SLC1A2: variants seen among roughly 807,000 people sequenced by gnomAD.
The protein encoded by SLC1A2 is solute carrier family 1 member 2, also known as excitatory amino acid transporter 2.
SLC1A2 carries 15 observed loss-of-function variants against 48.8 expected under a neutral mutation model. That is an observed-to-expected ratio of 0.31 (90% confidence interval 0.21 to 0.47). SLC1A2 has a LOEUF of 0.47. Ranked by LOEUF, SLC1A2 falls within the 20% of genes least tolerant of loss-of-function variation. The pLI is 0.99. For synonymous variants in SLC1A2, 279 were observed against 272.6 expected (o/e 1.02, Z -0.23); for missense variants, 502 against 730.5 (o/e 0.69, Z 3.61).
chr11:35,265,013 A>G (rs760030232), intron 10 of SLC1A2: 1 of 152,370 alleles, frequency 6.6e-6, no homozygotes, highest in African/African-American at 2.4e-5. Context: ...CGGTGGCGCA[A>G]TCTCGGCTCA....
At chr11:35,313,754 T>C (rs1283640092) in intron 3 of SLC1A2, among the ~76,000 whole-genome samples, 1 of 152,172 alleles carries the variant, frequency 6.6e-6, no homozygotes, top group African/African-American at 2.4e-5. Flanking sequence ...AAATGCACCC[T>C]TTCACTCAAT....
At chr11:35,266,811 G>C (rs558922533) in intron 9 of SLC1A2, among the ~76,000 whole-genome samples, 1 of 152,344 alleles carries the variant, frequency 6.6e-6, no homozygotes, top group African/African-American at 2.4e-5. Flanking sequence ...TCCAGGCAAA[G>C]CGGAAACTTT....
intron 6 of SLC1A2, chr11:35,299,825 T>A (rs1367376423): frequency 6.6e-6 from 1 of 152,074 alleles, no homozygotes; most frequent in Non-Finnish European, 1.5e-5. Flanking sequence ...TGGAAAAGGA[T>A]CAGAAGAAGT....
intron 1 of SLC1A2, among the ~76,000 whole-genome samples, chr11:35,349,264 A>T (rs1365956621): frequency 1.3e-5 from 2 of 152,178 alleles, no homozygotes; most frequent in Non-Finnish European, 2.9e-5. Flanking sequence ...CGAAAGGGAG[A>T]ATCACAAAAG....
At position 35,276,423 on chromosome 11, in the gene SLC1A2, A is replaced by G. The variant is rs192487986; in HGVS notation, c.1421+4444T>C. Among the ~76,000 whole-genome samples the G allele has an allele frequency of 3.9e-5, 6 of 151,946 alleles. No individual in the cohort carries two copies. The East Asian group carries it at 1.2e-3, about 29-fold the overall frequency. On this transcript the variant is annotated intron_variant, in intron 9 of 10. Coordinates refer to ENST00000278379, the MANE Select transcript of SLC1A2 (RefSeq NM_004171.4). The stretch of plus-strand genomic sequence containing the variant: ...TTTTCTATTATATGATTTCATCAAC[A>G]TAGTTAATCCAAATGTATCATCCTT...
chr11:35,294,782 T>C (rs1320580911), intron 6 of SLC1A2, among the ~76,000 whole-genome samples: 1 of 152,108 alleles, frequency 6.6e-6, no homozygotes, highest in Non-Finnish European at 1.5e-5. Flanking sequence ...ACAGATGGAC[T>C]AGAGAGAGGT....
At chr11:35,278,150 G>A (rs927124506) in intron 9 of SLC1A2, among the ~76,000 whole-genome samples, 2 of 151,994 alleles carry the variant, frequency 1.3e-5, no homozygotes, top group Admixed American at 6.5e-5. Context: ...TCCGCTAAAG[G>A]TATTTCCTGA....
chr11:35,394,322 C>T (rs1200799266), intron 1 of SLC1A2, among the ~76,000 whole-genome samples: 2 of 152,154 alleles, frequency 1.3e-5, no homozygotes, highest in African/African-American at 4.8e-5. Flanking sequence ...TGCTCAGTCA[C>T]CACCGGGATC....
chr11:35,358,048 G>A (rs1234716929), intron 1 of SLC1A2, among the ~76,000 whole-genome samples: 4 of 152,036 alleles, frequency 2.6e-5, no homozygotes, highest in Non-Finnish European at 4.4e-5. Context: ...GGGAGGCTAA[G>A]GCAGTAGAAT....
chr11:35,317,614 A>C (rs1851926817), intron 1 of SLC1A2, 98 bp from the exon 2 acceptor site: 1 of 1,349,980 alleles, frequency 7.4e-7, no homozygotes, highest in Non-Finnish European at 1.0e-6. Context: ...CACAGTTGGA[A>C]TCTGGAACCA....
At chr11:35,298,371 A>T (rs1351516171) in intron 6 of SLC1A2, 1 of 152,180 alleles carries the variant, frequency 6.6e-6, no homozygotes, top group Non-Finnish European at 1.5e-5. Flanking sequence ...TTTCAATGTT[A>T]CATTCTGCTA....
intron 1 of SLC1A2, among the ~76,000 whole-genome samples, chr11:35,338,945 C>A (rs1455016077): frequency 6.6e-6 from 1 of 152,188 alleles, no homozygotes; most frequent in Non-Finnish European, 1.5e-5. Context: ...GCATCTAGAG[C>A]TCTCTAGAAG....
At chr11:35,373,744 A>G (rs1854133794) in intron 1 of SLC1A2, among the ~76,000 whole-genome samples, 1 of 152,228 alleles carries the variant, frequency 6.6e-6, no homozygotes, top group South Asian at 2.1e-4. Flanking sequence ...AGCCATTGCC[A>G]TGATACAGAG....
chr11:35,416,366 G>A lies in SLC1A2; in HGVS notation c.17+2584C>T, dbSNP rs188136004. Among the ~76,000 whole-genome samples, 58 of 152,326 alleles carry A rather than the reference G, an allele frequency of 3.8e-4. 1 individual carries two copies. In the East Asian group the frequency reaches 6.7e-3, roughly 18 times the overall value. On this transcript the variant is annotated intron_variant, in intron 1 of 10. Coordinates refer to ENST00000278379, the MANE Select transcript of SLC1A2 (RefSeq NM_004171.4). Reference sequence around the variant, plus strand: ...GTCTTGGAATCTTTCTGAAAAGATGGTATTCCCTATATATAATTTTATCCT... The same window carrying A: ...GTCTTGGAATCTTTCTGAAAAGATGATATTCCCTATATATAATTTTATCCT...
At chr11:35,327,147 T>C (rs1753655683) in intron 1 of SLC1A2, among the ~76,000 whole-genome samples, 1 of 152,234 alleles carries the variant, frequency 6.6e-6, no homozygotes, top group Admixed American at 6.5e-5. Context: ...CTTTTTTTCC[T>C]TTTTAATCCA....
chr11:35,326,090 C>G (rs189526870), intron 1 of SLC1A2, among the ~76,000 whole-genome samples: 2 of 152,140 alleles, frequency 1.3e-5, no homozygotes, highest in Admixed American at 1.3e-4. Flanking sequence ...CTGCCCTGAC[C>G]AAGGATGGTG....
At chr11:35,300,512 A>G (rs1485124923) in intron 6 of SLC1A2, among the ~76,000 whole-genome samples, 1 of 152,120 alleles carries the variant, frequency 6.6e-6, no homozygotes, top group Non-Finnish European at 1.5e-5. Flanking sequence ...TTCCCTTTCT[A>G]CCATGTGAGA....
rs1950378522 is a variant in SLC1A2, at chr11:35,260,621, T to G, written c.*273A>C. Reference sequence around the variant, plus strand: ...GAGAAAAGGGAAGCTGGCAAGAACGTGTCTTCAATTCCAACTGATTCCTCC... The same window carrying G: ...GAGAAAAGGGAAGCTGGCAAGAACGGGTCTTCAATTCCAACTGATTCCTCC... On this transcript the variant is annotated 3_prime_UTR_variant, in exon 11 of 11. Transcript: ENST00000278379. The G allele has an allele frequency of 2.4e-6, 1 of 410,276 alleles. No individual in the cohort carries two copies. The highest frequency in any genetic ancestry group is 4.4e-6 in the Non-Finnish European group (1 of 226,562). The allele number at this position is 410,276 out of a possible 1,614,324, so 25.4% of individuals were successfully genotyped here.
intron 1 of SLC1A2, among the ~76,000 whole-genome samples, chr11:35,407,337 A>G (rs890397157): frequency 1.3e-5 from 2 of 152,152 alleles, no homozygotes; most frequent in African/African-American, 4.8e-5. Context: ...CCCCAAAGTG[A>G]GCAATGAATT....
Sources: gnomAD v4.1 joint callset for allele counts (sites outside exome capture counted in the v4.1 genomes callset) on GRCh38, gnomAD v4.1.1 for gene constraint, MANE v1.5 for transcripts, NCBI Gene and HGNC (gene_info 2026-07-23, HGNC 2026-07-21) for gene names.